Variants in FBRSL1 observed in about 807,000 individuals in gnomAD.
FBRSL1 encodes the protein fibrosin like 1.
In FBRSL1, 51 loss-of-function variants were observed where a neutral mutation model predicts 89.6. The observed-to-expected ratio is 0.57, with a 90% CI of 0.45 to 0.72. The LOEUF (loss-of-function observed/expected upper bound fraction) is 0.72, where lower values mean the gene tolerates loss of function less well. Ranked by LOEUF, FBRSL1 falls within the 30% of genes least tolerant of loss-of-function variation. FBRSL1 has a pLI of 0.00. For synonymous variants in FBRSL1, 779 were observed against 681.1 expected (o/e 1.14, Z -2.24); for missense variants, 1,618 against 1,451.8 (o/e 1.11, Z -1.86).
At chr12:132,511,517 G>GT in intron 2 of FBRSL1, 5 of 986,040 alleles carry the variant, frequency 5.1e-6, no homozygotes, top group Non-Finnish European at 6.0e-6. Flanking sequence ...AAGGGAGGGG[G>GT]TGTTTGGGGG....
intron 1 of FBRSL1, among the ~76,000 whole-genome samples, chr12:132,504,630 C>T (rs1593260144): frequency 6.6e-6 from 1 of 152,316 alleles, no homozygotes; most frequent in South Asian, 2.1e-4. Flanking sequence ...AAGGCCTCCG[C>T]TGCCTCAGCC....
At chr12:132,495,527 C>G (rs1335612369) in intron 1 of FBRSL1, among the ~76,000 whole-genome samples, 1 of 152,188 alleles carries the variant, frequency 6.6e-6, no homozygotes, top group African/African-American at 2.4e-5. Flanking sequence ...AGGCTTCGGC[C>G]CAGGAACTCC....
At chr12:132,517,331 G>A (rs1043035218) in intron 2 of FBRSL1, among the ~76,000 whole-genome samples, 1 of 152,260 alleles carries the variant, frequency 6.6e-6, no homozygotes, top group South Asian at 2.1e-4. Context: ...CTGAGCACCT[G>A]GGCCTAGCAG....
chr12:132,570,898 G>A lies in FBRSL1; in HGVS notation c.1214-170G>A, dbSNP rs981786100. On this transcript the variant is annotated intron_variant, in intron 8 of 18. Coordinates refer to ENST00000680143, the MANE Select transcript of FBRSL1 (RefSeq NM_001367871.1). ...GCAGGCGCCATCCCAGTGGAACCCC[G>A]ACCGCGAAGGCTTCCTCCCTCGGCC... Among the ~76,000 whole-genome samples the A allele has an allele frequency of 5.3e-5, 8 of 152,302 alleles. No individual in the cohort carries two copies. In the South Asian group the frequency reaches 6.2e-4, roughly 12 times the overall value.
At chr12:132,509,695 T>C in intron 2 of FBRSL1, 1 of 1,231,490 alleles carries the variant, frequency 8.1e-7, no homozygotes, top group Non-Finnish European at 1.0e-6. Flanking sequence ...CTGCGGTCCC[T>C]GCTGACCCTG....
At chr12:132,570,574 G>A in intron 8 of FBRSL1, 34 bp downstream of exon 8, 1 of 1,447,884 alleles carries the variant, frequency 6.9e-7, no homozygotes, top group Non-Finnish European at 9.1e-7. Flanking sequence ...GCCCAGGGCA[G>A]GGGTTGGGGG....
At chr12:132,529,547 T>G (rs1566149257) in intron 4 of FBRSL1, among the ~76,000 whole-genome samples, 1 of 151,774 alleles carries the variant, frequency 6.6e-6, no homozygotes, top group Non-Finnish European at 1.5e-5. Flanking sequence ...CCTGGGCTCT[T>G]CTCTGCCACC....
chr12:132,574,796 G>A (rs1389674605), intron 14 of FBRSL1, among the ~76,000 whole-genome samples: 1 of 152,142 alleles, frequency 6.6e-6, no homozygotes, highest in African/African-American at 2.4e-5. Flanking sequence ...TCCTCGGCAA[G>A]GTGTGCCGGC....
Position 132,548,038 on chromosome 12 carries a change from C to T in FBRSL1, c.645+6C>T, listed in dbSNP as rs1252192352. On this transcript the variant is annotated splice_donor_region_variant and intron_variant, in intron 5 of 18. Transcript: ENST00000680143. ...AGAGCGGCCCGGACGACAAGGTAAG[C>T]CCAGCGTCCTCCTCCTGGGCTCGGC... 3 of 1,550,116 alleles carry T rather than the reference C, an allele frequency of 1.9e-6. No homozygotes were observed. Among genetic ancestry groups the T allele is most frequent in the Non-Finnish European group, 2.6e-6 (3 of 1,146,668 alleles).
intron 2 of FBRSL1, among the ~76,000 whole-genome samples, chr12:132,522,935 G>T (rs1350239230): frequency 6.6e-6 from 1 of 152,210 alleles, no homozygotes; most frequent in Non-Finnish European, 1.5e-5. Context: ...TCTAGGGGGG[G>T]CAGGGGCTTG....
chr12:132,490,449 A>C lies in FBRSL1; in HGVS notation c.-122A>C. ...CCCGGCCCGCCGCCCGCCGCCGCCC[A>C]GGGCCCGAGCCCGCGCGGCGCACAC... is the stretch of plus-strand genomic sequence containing the variant. On this transcript the variant is annotated 5_prime_UTR_variant, in exon 1 of 19. Coordinates refer to ENST00000680143, the MANE Select transcript of FBRSL1 (RefSeq NM_001367871.1). 1 of 652,754 alleles carries C rather than the reference A, an allele frequency of 1.5e-6. No homozygotes were observed. The highest frequency in any genetic ancestry group is 1.9e-6 in the Non-Finnish European group (1 of 535,574). 40.4% of individuals were successfully genotyped at this position (652,754 alleles called of 1,614,324 possible). A position where few individuals can be genotyped will look rare whatever the true frequency, so the allele number is the denominator to read the frequency against.
At chr12:132,573,099 G>C (rs528299238) in intron 11 of FBRSL1, among the ~76,000 whole-genome samples, 1 of 152,342 alleles carries the variant, frequency 6.6e-6, no homozygotes, top group African/African-American at 2.4e-5. Context: ...TGCCATCTCA[G>C]CCAGGGGAGA....
intron 1 of FBRSL1, among the ~76,000 whole-genome samples, chr12:132,493,479 A>G (rs2141776): frequency 0.89 from 136,089 of 152,168 alleles, 61,896 homozygotes; most frequent in Non-Finnish European, 0.99. Context: ...GACCCCACAC[A>G]CACTGGGACC....
intron 9 of FBRSL1, chr12:132,571,524 G>A (rs1217328718): frequency 5.9e-6 from 9 of 1,528,972 alleles, no homozygotes; most frequent in Admixed American, 2.0e-5. Context: ...CACCCCCGCC[G>A]GTGCGTAGGC....
At chr12:132,530,113 C>T (rs1196706981) in intron 4 of FBRSL1, among the ~76,000 whole-genome samples, 1 of 151,812 alleles carries the variant, frequency 6.6e-6, no homozygotes, top group African/African-American at 2.4e-5. Flanking sequence ...CACTCCTCTG[C>T]CCTTCCCATC....
Position 132,534,035 on chromosome 12 carries a change from A to T in FBRSL1, c.615+6047A>T, listed in dbSNP as rs541956186. Among the ~76,000 whole-genome samples, 59 of 152,238 alleles carry T rather than the reference A, an allele frequency of 3.9e-4. No individual in the cohort carries two copies. The South Asian group carries it at 0.012, about 31-fold the overall frequency. ...CCGTAGAGGATGGGAGGCTGTGCAG[A>T]TAGTACCACTATCCCCCACCACCCC... On this transcript the variant is annotated intron_variant, in intron 4 of 18. Transcript: ENST00000680143.
chr12:132,523,946 C>T (rs1051820428), intron 2 of FBRSL1, among the ~76,000 whole-genome samples: 4 of 152,186 alleles, frequency 2.6e-5, no homozygotes, highest in Admixed American at 6.5e-5. Flanking sequence ...CAGCTGGGAC[C>T]GTGGTGCCAG....
At chr12:132,503,693 G>A (rs1000989616) in intron 1 of FBRSL1, among the ~76,000 whole-genome samples, 7 of 152,234 alleles carry the variant, frequency 4.6e-5, no homozygotes, top group African/African-American at 1.4e-4. Context: ...CACAGGTCCC[G>A]GGTATGGGAG....
At chr12:132,517,769 G>T (rs1048793667) in intron 2 of FBRSL1, among the ~76,000 whole-genome samples, 1 of 152,170 alleles carries the variant, frequency 6.6e-6, no homozygotes, top group Non-Finnish European at 1.5e-5. Flanking sequence ...ACCACTGAGG[G>T]TTTTAAGCCA....
Sources: gnomAD v4.1 joint callset for allele counts (sites outside exome capture counted in the v4.1 genomes callset) on GRCh38, gnomAD v4.1.1 for gene constraint, MANE v1.5 for transcripts, NCBI Gene and HGNC (gene_info 2026-07-23, HGNC 2026-07-21) for gene names.